Variants in FAM3C observed in about 807,000 individuals in gnomAD.
FAM3C encodes FAM3 metabolism regulating signaling molecule C.
In FAM3C, 15 loss-of-function variants were observed where a neutral mutation model predicts 32.5. The observed-to-expected ratio is 0.46, with a 90% CI of 0.31 to 0.71. The LOEUF (loss-of-function observed/expected upper bound fraction) is 0.71. Among genes scored for constraint, FAM3C ranks in the 30% least tolerant of loss-of-function variants. The pLI is 0.05. For synonymous variants in FAM3C, 75 were observed against 86.1 expected (o/e 0.87, Z 0.72); for missense variants, 175 against 274.4 (o/e 0.64, Z 2.56).
At chr7:121,377,386 A>G (rs548099185) in intron 3 of FAM3C, among the ~76,000 whole-genome samples, 1 of 152,366 alleles carries the variant, frequency 6.6e-6, no homozygotes, top group African/African-American at 2.4e-5. Context: ...CCTTTCAAAC[A>G]TGAATTTATG....
intron 1 of FAM3C, among the ~76,000 whole-genome samples, chr7:121,390,737 G>A (rs1036672033): frequency 6.6e-6 from 1 of 151,286 alleles, no homozygotes; most frequent in Non-Finnish European, 1.5e-5. Flanking sequence ...CTAGGAGTGG[G>A]ATTAAAGCTC....
At chr7:121,375,566 A>G (rs540054576) in intron 3 of FAM3C, among the ~76,000 whole-genome samples, 1 of 152,322 alleles carries the variant, frequency 6.6e-6, no homozygotes, top group Non-Finnish European at 1.5e-5. Flanking sequence ...AGAAAGGAAC[A>G]TCACTATGAT....
intron 1 of FAM3C, 44 bp from the exon 2 acceptor site, chr7:121,383,054 A>G (rs1794389637): frequency 9.6e-7 from 1 of 1,037,390 alleles, no homozygotes; most frequent in African/African-American, 1.6e-5. Context: ...GCTCTAGAGC[A>G]AACATTCCTC....
intron 1 of FAM3C, 137 bp downstream of exon 1, chr7:121,396,025 C>CGGGCCCG (rs1794687731): frequency 6.6e-6 from 1 of 151,710 alleles, no homozygotes; most frequent in South Asian, 2.1e-4. Context: ...ACAACGCGGC[C>CGGGCCCG]GGGCCCGGGG....
At chr7:121,370,256 A>G (rs1343507767) in intron 5 of FAM3C, among the ~76,000 whole-genome samples, 1 of 152,170 alleles carries the variant, frequency 6.6e-6, no homozygotes, top group Non-Finnish European at 1.5e-5. Flanking sequence ...ATCAGTACAG[A>G]CCTTAATGAT....
chr7:121,372,206 T>C (rs1016184443), intron 3 of FAM3C, 67 bp from the exon 4 acceptor site: 12 of 1,032,840 alleles, frequency 1.2e-5, no homozygotes, highest in Admixed American at 2.0e-5. Flanking sequence ...TTTTAAAATA[T>C]ATTTAGGTCC....
At chr7:121,395,102 T>C (rs903803025) in intron 1 of FAM3C, among the ~76,000 whole-genome samples, 8 of 152,256 alleles carry the variant, frequency 5.3e-5, no homozygotes, top group African/African-American at 1.4e-4. Context: ...ACGAAACCAT[T>C]TGGCAGTGCC....
At chr7:121,395,276 TACATATATATGGATAC>T (rs1794663482) in intron 1 of FAM3C, among the ~76,000 whole-genome samples, 1 of 151,212 alleles carries the variant, frequency 6.6e-6, no homozygotes, top group African/African-American at 2.4e-5. Flanking sequence ...TATGGATACA[TACATATATATGGATAC>T]ATACATATAT....
chr7:121,350,391 T>C lies in FAM3C; in HGVS notation c.*70A>G, dbSNP rs959106887. 1.9e-5 allele frequency: 30 copies of C among 1,606,252 alleles called. No homozygotes were observed. In the Admixed American group the frequency reaches 4.9e-4, roughly 26 times the overall value. On this transcript the variant is annotated 3_prime_UTR_variant, in exon 10 of 10. Transcript: ENST00000359943. ...TGCATGCTCTTAAAATATTTACACATAGCTCTGCCATTTATAGCTCTCCCA... is the reference window on the plus strand; with the variant it reads ...TGCATGCTCTTAAAATATTTACACACAGCTCTGCCATTTATAGCTCTCCCA...
At chr7:121,357,128 T>C (rs983309200) in intron 8 of FAM3C, among the ~76,000 whole-genome samples, 1 of 152,144 alleles carries the variant, frequency 6.6e-6, no homozygotes, top group Non-Finnish European at 1.5e-5. Context: ...TGGGAAATAA[T>C]GTGATGGAGA....
intron 3 of FAM3C, among the ~76,000 whole-genome samples, chr7:121,378,302 T>C (rs368425627): frequency 6.6e-6 from 1 of 151,976 alleles, no homozygotes; most frequent in Admixed American, 6.5e-5. Context: ...AAAATAAGGA[T>C]AAGAAAGCAC....
chr7:121,376,542 G>A (rs776916540), intron 3 of FAM3C, among the ~76,000 whole-genome samples: 1 of 152,108 alleles, frequency 6.6e-6, no homozygotes, highest in Non-Finnish European at 1.5e-5. Flanking sequence ...TAGAATATTT[G>A]TATTACACTT....
chr7:121,389,952 C>T (rs1159316541), intron 1 of FAM3C, among the ~76,000 whole-genome samples: 2 of 152,112 alleles, frequency 1.3e-5, no homozygotes, highest in African/African-American at 4.8e-5. Flanking sequence ...GAGTCTATTA[C>T]ACCCCCATAT....
intron 5 of FAM3C, among the ~76,000 whole-genome samples, chr7:121,368,969 GTTGTTT>G (rs1441510078): frequency 3.4e-5 from 4 of 117,874 alleles, no homozygotes; most frequent in Admixed American, 1.0e-4. Context: ...TGTTGTTGTT[GTTGTTT>G]TTTTTTTTTT....
In FAM3C at chr7:121,372,138, T is replaced by C; in HGVS notation, c.120A>G (p.Ala40=). The change falls in exon 4 of 10, where the codon GCA becomes GCG. Residue 40 remains alanine (A), a splice_region_variant and synonymous_variant. Coordinates refer to ENST00000359943, the MANE Select transcript of FAM3C (RefSeq NM_014888.3). The stretch of plus-strand genomic sequence containing the variant: ...GTGCAGCTGTGTCCAATGCTGATCT[T>C]GCTGAAAAAAAAAAATTACTTTTGT... ...KMDASLGNLF[A]RSALDTAARS... 6 of 1,604,764 alleles carry C rather than the reference T, an allele frequency of 3.7e-6. No individual in the cohort carries two copies. Among genetic ancestry groups the C allele is most frequent in the South Asian group, 1.1e-5 (1 of 90,360 alleles).
chr7:121,393,382 G>A (rs1361139896), intron 1 of FAM3C, among the ~76,000 whole-genome samples: 1 of 152,106 alleles, frequency 6.6e-6, no homozygotes, highest in Non-Finnish European at 1.5e-5. Flanking sequence ...AGGCTACAGT[G>A]AGTTATGATC....
Position 121,386,067 on chromosome 7 carries a change from A to G in FAM3C, c.-41-3057T>C, listed in dbSNP as rs192947766. Among the ~76,000 whole-genome samples the G allele has an allele frequency of 8.5e-5, 13 of 152,292 alleles. No homozygotes were observed. The East Asian group carries it at 2.5e-3, about 29-fold the overall frequency. On this transcript the variant is annotated intron_variant, in intron 1 of 9. Coordinates refer to ENST00000359943, the MANE Select transcript of FAM3C (RefSeq NM_014888.3). The stretch of plus-strand genomic sequence containing the variant: ...ATGCCAATCAACTTGGCTTTTGCAA[A>G]CTGCTTTGGGAATTGCTACAAACTA...
In FAM3C at chr7:121,349,657, C is replaced by G. The variant is rs1181686075; in HGVS notation, c.*804G>C. 1.3e-5 allele frequency: 2 copies of G among 152,284 alleles called. No individual in the cohort carries two copies. The highest frequency in any genetic ancestry group is 2.9e-5 in the Non-Finnish European group (2 of 68,002). The allele number at this position is 152,284 out of a possible 1,614,324, so 9.4% of individuals were successfully genotyped here. A position where few individuals can be genotyped will look rare whatever the true frequency, so the allele number is the denominator to read the frequency against. On this transcript the variant is annotated 3_prime_UTR_variant, in exon 10 of 10. Transcript: ENST00000359943. ...AAGAAAAACGTATGCTAGTATTGCT[C>G]TAAATATACTGACTTAGCTGTCCTG...
At chr7:121,385,362 T>C (rs1314793694) in intron 1 of FAM3C, among the ~76,000 whole-genome samples, 1 of 152,180 alleles carries the variant, frequency 6.6e-6, no homozygotes, top group Non-Finnish European at 1.5e-5. Flanking sequence ...TATATGTCAC[T>C]GAACCAAATC....
Sources: allele counts gnomAD v4.1 joint callset (sites outside exome capture counted in the v4.1 genomes callset), GRCh38; gene constraint gnomAD v4.1.1; transcripts MANE v1.5; gene names NCBI Gene and HGNC (gene_info 2026-07-23, HGNC 2026-07-21).